RHOU: variants seen among roughly 807,000 people sequenced by gnomAD.
RHOU encodes the protein ras homolog family member U, also known as rho-related GTP-binding protein RhoU.
In RHOU, 8 loss-of-function variants were observed where a neutral mutation model predicts 12.6. The ratio of observed to expected loss-of-function variants is 0.64; its 90% CI spans 0.37 to 1.15. The LOEUF is 1.15. RHOU is among the 50% of genes most tolerant of loss of function. The probability of loss-of-function intolerance (pLI) is 0.01; values close to 1 mark genes in which losing one functional copy is unlikely to be tolerated. For synonymous variants in RHOU, 161 were observed against 147.4 expected (o/e 1.09, Z -0.67); for missense variants, 258 against 347.0 (o/e 0.74, Z 2.04).
chr1:228,701,439 AT>A, the RHOU span, among the ~76,000 whole-genome samples: 3 of 151,842 alleles, frequency 2.0e-5, no homozygotes, highest in African/African-American at 2.4e-5. Context: ...TTGCTGTCTC[AT>A]TTTTTTTGAG....
At chr1:228,656,341 C>T in the RHOU span, among the ~76,000 whole-genome samples, 8 of 152,132 alleles carry the variant, frequency 5.3e-5, no homozygotes, top group African/African-American at 1.9e-4. Context: ...TTTTAGATTA[C>T]TTCTCTATCT....
upstream of RHOU, among the ~76,000 whole-genome samples, chr1:228,731,432 G>A (rs1280432766): frequency 6.6e-6 from 1 of 152,220 alleles, no homozygotes; most frequent in Non-Finnish European, 1.5e-5. Flanking sequence ...GCCCAAATGA[G>A]TGGGTGTGGG....
At chr1:228,661,745 A>T in the RHOU span, among the ~76,000 whole-genome samples, 2 of 152,228 alleles carry the variant, frequency 1.3e-5, no homozygotes, top group East Asian at 3.8e-4. Context: ...AACCTAGGCA[A>T]TACCATTCAG....
At chr1:228,739,188 A>G (rs10916362) in intron 2 of RHOU, among the ~76,000 whole-genome samples, 4,440 of 152,266 alleles carry the variant, frequency 0.029, 205 homozygotes, top group African/African-American at 0.1. Flanking sequence ...TCTGAATGCA[A>G]TGGTGATATT....
At chr1:228,708,047 A>G in the RHOU span, among the ~76,000 whole-genome samples, 3 of 152,212 alleles carry the variant, frequency 2.0e-5, no homozygotes, top group South Asian at 6.2e-4. Context: ...CAACTGGAAG[A>G]AAGGGTATAA....
the RHOU span, among the ~76,000 whole-genome samples, chr1:228,707,000 G>A: frequency 6.7e-6 from 1 of 149,740 alleles, no homozygotes; most frequent in East Asian, 2.0e-4. Context: ...GTGATAATGG[G>A]CATCCTTGCC....
intron 1 of RHOU, among the ~76,000 whole-genome samples, chr1:228,736,687 T>C (rs1250873797): frequency 6.6e-6 from 1 of 152,192 alleles, no homozygotes; most frequent in Non-Finnish European, 1.5e-5. Flanking sequence ...TACTTAAAGC[T>C]CCTATGTACC....
the RHOU span, among the ~76,000 whole-genome samples, chr1:228,678,600 G>A: frequency 1.3e-5 from 2 of 152,134 alleles, no homozygotes; most frequent in Non-Finnish European, 1.5e-5. Flanking sequence ...CGAGTAGTGA[G>A]GAAACCTCTT....
At chr1:228,707,782 C>T in the RHOU span, among the ~76,000 whole-genome samples, 1 of 152,172 alleles carries the variant, frequency 6.6e-6, no homozygotes, top group Non-Finnish European at 1.5e-5. Flanking sequence ...CAGTTCCTCA[C>T]CAGCAACGGA....
chr1:228,650,549 G>A, the RHOU span: 13 of 456,920 alleles, frequency 2.8e-5, no homozygotes, highest in East Asian at 2.1e-4. Flanking sequence ...GAGAGTGCCC[G>A]GCGGGTTGTC....
chr1:228,684,005 C>A, the RHOU span, among the ~76,000 whole-genome samples: 1 of 152,130 alleles, frequency 6.6e-6, no homozygotes, highest in Non-Finnish European at 1.5e-5. Context: ...AGAATCCCAG[C>A]GTATGCCTGT....
the RHOU span, among the ~76,000 whole-genome samples, chr1:228,661,489 C>T: frequency 6.6e-6 from 1 of 152,142 alleles, no homozygotes; most frequent in Admixed American, 6.5e-5. Flanking sequence ...AGATATAGAC[C>T]AATGGAACAG....
the RHOU span, among the ~76,000 whole-genome samples, chr1:228,684,574 G>T: frequency 6.6e-6 from 1 of 152,132 alleles, no homozygotes; most frequent in Non-Finnish European, 1.5e-5. Context: ...AGTGATCCAC[G>T]TGTCTCGGCC....
chr1:228,682,806 A>ATTT, the RHOU span, among the ~76,000 whole-genome samples: 2 of 152,170 alleles, frequency 1.3e-5, no homozygotes, highest in Non-Finnish European at 2.9e-5. Flanking sequence ...AATATCAGTA[A>ATTT]ATTTACTTGT....
At chr1:228,707,160 A>ATATG in the RHOU span, among the ~76,000 whole-genome samples, 1 of 130,872 alleles carries the variant, frequency 7.6e-6, no homozygotes, top group Admixed American at 8.2e-5. Flanking sequence ...ATATATACAC[A>ATATG]TACACACACA....
the RHOU span, among the ~76,000 whole-genome samples, chr1:228,699,947 GA>G: frequency 6.6e-6 from 1 of 152,120 alleles, no homozygotes; most frequent in Non-Finnish European, 1.5e-5. Flanking sequence ...TATCTTTCTA[GA>G]ATTATAGGTT....
upstream of RHOU, chr1:228,735,120 C>T (rs894444198): frequency 6.6e-6 from 1 of 152,234 alleles, no homozygotes; most frequent in Non-Finnish European, 1.5e-5. The surrounding 1 kb of genome is among the most constrained non-coding windows in gnomAD (Gnocchi z 8.1). Flanking sequence ...CTTCCTGGCT[C>T]GCGTGGGCGC....
At chr1:228,718,844 C>T in the RHOU span, among the ~76,000 whole-genome samples, 1 of 152,142 alleles carries the variant, frequency 6.6e-6, no homozygotes, top group Non-Finnish European at 1.5e-5. Flanking sequence ...GCGGGTGACC[C>T]TGGATGCTCA....
chr1:228,647,135 G>A, the RHOU span, among the ~76,000 whole-genome samples: 2 of 152,144 alleles, frequency 1.3e-5, no homozygotes, highest in Admixed American at 1.3e-4. Flanking sequence ...ATAGGGTGGA[G>A]GGGTTTGAGC....
Sources: allele counts gnomAD v4.1 joint callset (sites outside exome capture counted in the v4.1 genomes callset), GRCh38; gene constraint gnomAD v4.1.1; non-coding constraint Gnocchi (gnomAD v3.1); transcripts MANE v1.5; gene names NCBI Gene and HGNC (gene_info 2026-07-23, HGNC 2026-07-21).